The following PRTFDC1 variants were observed in gnomAD, a reference collection of about 807,000 sequenced individuals.
PRTFDC1 encodes the protein phosphoribosyl transferase domain containing 1.
A neutral mutation model predicts 34.6 loss-of-function variants in PRTFDC1; 38 were observed. That is an observed-to-expected ratio of 1.10 (90% CI 0.85 to 1.44). The LOEUF is 1.44. Ranked by LOEUF, PRTFDC1 falls within the 40% of genes most tolerant of loss-of-function variation. PRTFDC1 has a pLI of 0.00. For synonymous variants in PRTFDC1, 93 were observed against 98.1 expected (o/e 0.95, Z 0.31); for missense variants, 270 against 283.0 (o/e 0.95, Z 0.33).
At chr10:24,929,052 A>AAAAAAAAG (rs1554765607) in intron 3 of PRTFDC1, among the ~76,000 whole-genome samples, 13 of 116,534 alleles carry the variant, frequency 1.1e-4, no homozygotes, top group East Asian at 2.6e-4. Context: ...AAAAAAAAAA[A>AAAAAAAAG]AAAGAAAGAA....
intron 3 of PRTFDC1, among the ~76,000 whole-genome samples, chr10:24,894,401 G>C (rs1456885674): frequency 6.6e-6 from 1 of 152,034 alleles, no homozygotes; most frequent in Non-Finnish European, 1.5e-5. Flanking sequence ...CGTGGGAAGT[G>C]CTGCATGAGC....
intron 3 of PRTFDC1, among the ~76,000 whole-genome samples, chr10:24,912,399 C>T (rs1387629817): frequency 6.9e-6 from 1 of 144,096 alleles, no homozygotes; most frequent in African/African-American, 2.6e-5. Flanking sequence ...CCTCAACCAA[C>T]AACTGTTCCT....
chr10:24,901,337 C>A (rs970515331), intron 3 of PRTFDC1, among the ~76,000 whole-genome samples: 14 of 152,240 alleles, frequency 9.2e-5, no homozygotes, highest in Admixed American at 9.2e-4. Context: ...AGGAACCCAG[C>A]AGGCCTGAGA....
intron 3 of PRTFDC1, among the ~76,000 whole-genome samples, chr10:24,889,544 A>T (rs535325912): frequency 6.6e-6 from 1 of 152,340 alleles, no homozygotes; most frequent in East Asian, 1.9e-4. Flanking sequence ...ATTAGGCATA[A>T]TATAGAGCTA....
In PRTFDC1 at chr10:24,855,338, C is replaced by T. The variant is rs750182836; in HGVS notation, c.533G>A (p.Ser178Asn). Residue 178 changes from serine to asparagine, a missense_variant, in exon 7 of 9, where the codon AGT (serine) becomes AAT (asparagine). Physicochemically the swap from Ser to Asn is conservative, Grantham distance 46 (BLOSUM62 1). Transcript: ENST00000320152. ...ASLLVKRTSR[S>N]DGFRPDYAGF... ...CTTACAGTCAGGTCTAAAGCCGTCA[C>T]TTCTGGATGTTCTCTTCACCAACAA... 18 of 1,614,010 alleles carry T rather than the reference C, an allele frequency of 1.1e-5. No homozygotes were observed. Among genetic ancestry groups the T allele is most frequent in the Admixed American group, 1.7e-5 (1 of 60,000 alleles).
At chr10:24,868,550 T>A (rs1022510795) in intron 4 of PRTFDC1, among the ~76,000 whole-genome samples, 1 of 152,182 alleles carries the variant, frequency 6.6e-6, no homozygotes, top group Non-Finnish European at 1.5e-5. Flanking sequence ...GCCCAAGTGA[T>A]CACCCACCTT....
chr10:24,886,797 C>T (rs899177619), intron 3 of PRTFDC1, among the ~76,000 whole-genome samples: 2 of 151,898 alleles, frequency 1.3e-5, no homozygotes, highest in African/African-American at 4.8e-5. Context: ...ACATTTCTAA[C>T]CAGCTCCCAG....
chr10:24,892,693 G>A (rs1028712271), intron 3 of PRTFDC1, among the ~76,000 whole-genome samples: 1 of 152,032 alleles, frequency 6.6e-6, no homozygotes, highest in Non-Finnish European at 1.5e-5. Context: ...GTAACAAATT[G>A]TGCGTATGAT....
chr10:24,882,137 G>A (rs972760792), intron 3 of PRTFDC1, among the ~76,000 whole-genome samples: 1 of 150,266 alleles, frequency 6.7e-6, no homozygotes, highest in Admixed American at 6.7e-5. Flanking sequence ...AATCCGGGAG[G>A]CAGAGGTTGC....
chr10:24,886,897 C>T (rs1010027425), intron 3 of PRTFDC1, among the ~76,000 whole-genome samples: 4 of 151,070 alleles, frequency 2.6e-5, no homozygotes, highest in Admixed American at 6.6e-5. Context: ...AAATCTAGTG[C>T]GTATCCTGCA....
At chr10:24,938,628 G>T (rs1588624217) in intron 2 of PRTFDC1, among the ~76,000 whole-genome samples, 1 of 152,204 alleles carries the variant, frequency 6.6e-6, no homozygotes, top group Admixed American at 6.5e-5. Context: ...CAGTGCACTG[G>T]CAGGCTGGCT....
intron 3 of PRTFDC1, among the ~76,000 whole-genome samples, chr10:24,887,471 T>TA (rs1848189858): frequency 1.3e-5 from 2 of 150,858 alleles, no homozygotes; most frequent in South Asian, 2.1e-4. Context: ...GCTTCCCCCC[T>TA]CTCCCTTCGC....
intron 3 of PRTFDC1, among the ~76,000 whole-genome samples, chr10:24,899,916 C>T (rs944389262): frequency 4.6e-5 from 7 of 152,182 alleles, no homozygotes; most frequent in Non-Finnish European, 1.0e-4. Flanking sequence ...TGTGGACTCT[C>T]ATCTACTGGT....
chr10:24,904,261 T>TACACACACAC (rs10585982), intron 3 of PRTFDC1, among the ~76,000 whole-genome samples: 1 of 148,174 alleles, frequency 6.7e-6, no homozygotes, highest in African/African-American at 2.5e-5. Flanking sequence ...TAAAATGTAA[T>TACACACACAC]ACACACACAC....
chr10:24,942,733 T>C (rs1189572606), intron 1 of PRTFDC1, among the ~76,000 whole-genome samples: 3 of 152,202 alleles, frequency 2.0e-5, no homozygotes, highest in Non-Finnish European at 2.9e-5. Context: ...CTGCAACCTC[T>C]GCTTCCCAGG....
At chr10:24,894,435 G>A (rs937700145) in intron 3 of PRTFDC1, among the ~76,000 whole-genome samples, 3 of 152,106 alleles carry the variant, frequency 2.0e-5, no homozygotes, top group African/African-American at 4.8e-5. Context: ...CTTAGGCTTC[G>A]GCCTCTGTGG....
intron 3 of PRTFDC1, among the ~76,000 whole-genome samples, chr10:24,874,872 C>G (rs1177087487): frequency 6.6e-6 from 1 of 152,172 alleles, no homozygotes; most frequent in Non-Finnish European, 1.5e-5. Context: ...GTAAATGAAT[C>G]ATGGAGGCAG....
intron 3 of PRTFDC1, among the ~76,000 whole-genome samples, chr10:24,913,319 G>A (rs549893314): frequency 7.9e-5 from 12 of 152,286 alleles, no homozygotes; most frequent in Admixed American, 7.8e-4. Flanking sequence ...GCAGTCTTGA[G>A]GTTCTTACTG....
chr10:24,893,117 G>C (rs1565268562), intron 3 of PRTFDC1, among the ~76,000 whole-genome samples: 1 of 152,116 alleles, frequency 6.6e-6, no homozygotes, highest in African/African-American at 2.4e-5. Context: ...TTATATATTT[G>C]AGAATGAAAA....
Sources: allele counts gnomAD v4.1 joint callset (sites outside exome capture counted in the v4.1 genomes callset), GRCh38; gene constraint gnomAD v4.1.1; transcripts MANE v1.5; gene names NCBI Gene and HGNC (gene_info 2026-07-23, HGNC 2026-07-21).